The following LRP1B variants were observed in gnomAD, a reference collection of about 807,000 sequenced individuals.
The protein encoded by LRP1B is low-density lipoprotein receptor-related protein 1B.
A neutral mutation model predicts 556.6 loss-of-function variants in LRP1B; 217 were observed. That is an observed-to-expected ratio of 0.39 (90% confidence interval 0.35 to 0.44). LRP1B has a LOEUF of 0.44. LRP1B is among the 20% of genes least tolerant of loss of function. LRP1B has a pLI of 1.00. For synonymous variants in LRP1B, 2,047 were observed against 1,865.8 expected (o/e 1.10, Z -2.50); for missense variants, 5,053 against 5,620.8 (o/e 0.90, Z 3.23).
intron 20 of LRP1B, among the ~76,000 whole-genome samples, chr2:140,942,547 C>T (rs1695431483): frequency 6.6e-6 from 1 of 152,100 alleles, no homozygotes; most frequent in Admixed American, 6.6e-5. Flanking sequence ...AGACAAAAGT[C>T]ATATCACCTT....
At chr2:140,469,667 A>T (rs912975698) in intron 60 of LRP1B, among the ~76,000 whole-genome samples, 1 of 152,180 alleles carries the variant, frequency 6.6e-6, no homozygotes, top group African/African-American at 2.4e-5. Context: ...GAAAGATTTC[A>T]GGTATGGATT....
intron 7 of LRP1B, among the ~76,000 whole-genome samples, chr2:141,096,910 A>G (rs1190613464): frequency 1.3e-5 from 2 of 152,192 alleles, no homozygotes; most frequent in Non-Finnish European, 2.9e-5. Flanking sequence ...AAGGTCAGAA[A>G]GAGATTAAAG....
chr2:141,860,004 T>TA (rs1303623250), intron 1 of LRP1B, among the ~76,000 whole-genome samples: 3 of 152,136 alleles, frequency 2.0e-5, no homozygotes, highest in African/African-American at 2.4e-5. Context: ...TTCATTTTCA[T>TA]AAAAAACAAA....
intron 3 of LRP1B, among the ~76,000 whole-genome samples, chr2:141,397,218 T>C (rs1416585186): frequency 6.7e-6 from 1 of 150,208 alleles, no homozygotes; most frequent in Non-Finnish European, 1.5e-5. Context: ...GACATAGATA[T>C]CCTTTAAGTA....
chr2:141,420,899 T>A (rs574683331), intron 3 of LRP1B, among the ~76,000 whole-genome samples: 3 of 152,324 alleles, frequency 2.0e-5, no homozygotes, highest in Admixed American at 2.0e-4. Flanking sequence ...TGTTGGGTGC[T>A]TGGTGCACTC....
At chr2:140,696,345 C>T (rs910064080) in intron 41 of LRP1B, among the ~76,000 whole-genome samples, 1 of 152,158 alleles carries the variant, frequency 6.6e-6, no homozygotes, top group Admixed American at 6.6e-5. Flanking sequence ...CAAAGGGCAA[C>T]TTCTTGGCAG....
At chr2:141,374,121 A>G (rs1689340946) in intron 3 of LRP1B, among the ~76,000 whole-genome samples, 1 of 152,082 alleles carries the variant, frequency 6.6e-6, no homozygotes, top group African/African-American at 2.4e-5. Context: ...AGCTTCAGGC[A>G]GGGTATGTTT....
At chr2:140,601,352 A>C in intron 42 of LRP1B, 98 bp downstream of exon 42, 1 of 1,075,602 alleles carries the variant, frequency 9.3e-7, no homozygotes, top group African/African-American at 1.6e-5. Flanking sequence ...CTTCAAATAA[A>C]AACTTTATTT....
In LRP1B at chr2:141,464,606, A is replaced by ATTTTT. The variant is rs71391651; in HGVS notation, c.343+15785_343+15789dup. ...TTTGTATATATATATATATATATAT[A>ATTTTT]TTTTTTTAGTAGAGATGGGGTTTCA... On this transcript the variant is annotated intron_variant, in intron 3 of 90. Coordinates refer to ENST00000389484, the MANE Select transcript of LRP1B (RefSeq NM_018557.3). Among the ~76,000 whole-genome samples, 11 of 90,544 alleles carry ATTTTT rather than the reference A, an allele frequency of 1.2e-4. No homozygotes were observed. In the South Asian group the frequency reaches 1.6e-3, roughly 13 times the overall value. The allele number at this position is 90,544 out of a possible 152,430, so 59.4% of individuals were successfully genotyped here. A position where few individuals can be genotyped will look rare whatever the true frequency, so the allele number is the denominator to read the frequency against.
At chr2:140,548,182 A>G (rs557446824) in intron 43 of LRP1B, among the ~76,000 whole-genome samples, 4 of 152,306 alleles carry the variant, frequency 2.6e-5, no homozygotes, top group African/African-American at 7.2e-5. Flanking sequence ...AGATATGAAG[A>G]GACGGGCTTG....
At chr2:140,246,959 C>T (rs1573678771) in intron 87 of LRP1B, 127 bp downstream of exon 87, 3 of 628,320 alleles carry the variant, frequency 4.8e-6, no homozygotes, top group South Asian at 1.9e-5. Flanking sequence ...AAAAACACCT[C>T]AATTGCAGTG....
chr2:140,828,789 C>CAAAAAA (rs57621380), intron 31 of LRP1B, among the ~76,000 whole-genome samples: 1 of 7,968 alleles, frequency 1.3e-4, no homozygotes, highest in African/African-American at 3.0e-4. Context: ...GACTCCGTCT[C>CAAAAAA]AAAAAAAAAA....
At chr2:140,631,626 G>A (rs920125089) in intron 41 of LRP1B, among the ~76,000 whole-genome samples, 1 of 152,030 alleles carries the variant, frequency 6.6e-6, no homozygotes, top group African/African-American at 2.4e-5. Context: ...TCATCAAAAG[G>A]ACAATAAAAA....
At chr2:142,067,235 CT>C (rs1267671673) in intron 1 of LRP1B, among the ~76,000 whole-genome samples, 2 of 151,452 alleles carry the variant, frequency 1.3e-5, no homozygotes, top group Non-Finnish European at 3.0e-5. Flanking sequence ...TTAATAATAT[CT>C]GCAAAGTCCT....
chr2:141,655,158 A>G (rs1558783927), intron 2 of LRP1B, among the ~76,000 whole-genome samples: 1 of 152,146 alleles, frequency 6.6e-6, no homozygotes, highest in Non-Finnish European at 1.5e-5. Flanking sequence ...AGGAAAGTTG[A>G]CTTATTTAGG....
chr2:140,468,544 G>C (rs1016811596), intron 60 of LRP1B, among the ~76,000 whole-genome samples: 1 of 152,174 alleles, frequency 6.6e-6, no homozygotes, highest in African/African-American at 2.4e-5. Context: ...CCACCAGCTT[G>C]CAACTTCAGC....
At chr2:140,899,124 G>A in intron 23 of LRP1B, 1 of 219,750 alleles carries the variant, frequency 4.6e-6, no homozygotes, top group South Asian at 7.1e-5. Flanking sequence ...AAGTTCTCCA[G>A]GTCTATGGGA....
intron 41 of LRP1B, among the ~76,000 whole-genome samples, chr2:140,633,390 C>G (rs1683961350): frequency 6.6e-6 from 1 of 152,022 alleles, no homozygotes; most frequent in African/African-American, 2.4e-5. Flanking sequence ...GCTCAAAAAT[C>G]AATAATCTCA....
At chr2:141,581,719 T>C (rs1257138312) in intron 2 of LRP1B, among the ~76,000 whole-genome samples, 2 of 152,222 alleles carry the variant, frequency 1.3e-5, no homozygotes, top group Admixed American at 6.5e-5. Flanking sequence ...CCATATCATG[T>C]CTTTATAATG....
Sources: gnomAD v4.1 joint callset for allele counts (sites outside exome capture counted in the v4.1 genomes callset) on GRCh38, gnomAD v4.1.1 for gene constraint, MANE v1.5 for transcripts, NCBI Gene and HGNC (gene_info 2026-07-23, HGNC 2026-07-21) for gene names.